CELSR1: variants seen among roughly 807,000 people sequenced by gnomAD.
The protein encoded by CELSR1 is adhesion G protein-coupled receptor C1.
CELSR1 carries 110 observed loss-of-function variants against 249.1 expected under a neutral mutation model. That is an observed-to-expected ratio of 0.44 (90% CI 0.38 to 0.52). CELSR1 has a LOEUF of 0.52. Among genes scored for constraint, CELSR1 ranks in the 20% least tolerant of loss-of-function variants. CELSR1 has a pLI of 0.00. For missense variants in CELSR1, 4,109 were observed against 4,296.4 expected, an observed-to-expected ratio of 0.96 and a Z score of 1.22; for synonymous variants, 2,113 against 1,900.0, an observed-to-expected ratio of 1.11 and a Z score of -2.92.
At position 46,436,268 on chromosome 22, in the gene CELSR1, G is replaced by C. The variant is rs138150351; in HGVS notation, c.4428C>G (p.Asn1476Lys). The change falls in exon 4 of 35, where the codon AAC (asparagine) becomes AAG (lysine). Residue 1476 changes from asparagine (N) to lysine (K), a missense_variant. By Grantham distance (94) the Asn-to-Lys change is moderately conservative. Around this residue, in one of 7 missense-constraint regions of CELSR1, gnomAD observed 453 missense variants for 492.0 expected, o/e 0.92. Coordinates refer to ENST00000674500, the MANE Select transcript of CELSR1 (RefSeq NM_001378328.1). The surrounding 1 kb of genome is among the most constrained non-coding windows in gnomAD (Gnocchi z 5.9). ...ISLTFATQERNGLLLYNGRFN... is the reference protein window; with the variant it reads ...ISLTFATQERKGLLLYNGRFN... The stretch of plus-strand genomic sequence containing the variant: ...AGCGGCCGTTGTAGAGAAGCAAGCC[G>C]TTCCTTTCCTGAGTGGCAAACCTGT... 5 of 1,614,050 alleles carry C rather than the reference G, an allele frequency of 3.1e-6. No homozygotes were observed. Among genetic ancestry groups the C allele is most frequent in the Non-Finnish European group, 4.2e-6 (5 of 1,179,964 alleles).
chr22:46,473,892 G>A lies in CELSR1; in HGVS notation c.3545-9547C>T, dbSNP rs952997738. Among the ~76,000 whole-genome samples, 7 of 152,144 alleles carry A rather than the reference G, an allele frequency of 4.6e-5. No homozygotes were observed. The highest frequency in any genetic ancestry group is 4.1e-4 in the South Asian group (2 of 4,830). ...TGTGTTGATCCTGCTACCTGAGGGC[G>A]TGTGGCTTTTCTCCTTTCTGGGCAA... On this transcript the variant is annotated intron_variant, in intron 1 of 34. Coordinates refer to ENST00000674500, the MANE Select transcript of CELSR1 (RefSeq NM_001378328.1). The surrounding 1 kb of genome is among the most constrained non-coding windows in gnomAD (Gnocchi z 6.6).
Position 46,380,861 on chromosome 22 carries a change from G to C in CELSR1, c.7183C>G (p.Leu2395Val). The C allele has an allele frequency of 6.2e-7, 1 of 1,612,834 alleles. No homozygotes were observed. Among genetic ancestry groups the C allele is most frequent in the Non-Finnish European group, 8.5e-7 (1 of 1,179,902 alleles). The change falls in exon 22 of 35, where the codon CTG (leucine) becomes GTG (valine). Residue 2395 changes from leucine (L) to valine (V), a missense_variant. Leu to Val is a conservative substitution (Grantham distance 32). Coordinates refer to ENST00000674500, the MANE Select transcript of CELSR1 (RefSeq NM_001378328.1). The surrounding 1 kb of genome is among the most constrained non-coding windows in gnomAD (Gnocchi z 5.1). The stretch of plus-strand genomic sequence containing the variant: ...ACCTCCAGCAGGGCGAACTCCACCA[G>C]GACGGGCCTCTCCAGGGGTCTCGGG... ...PLPRPLERPVLVEFALLEVEE... is the reference protein window; with the variant it reads ...PLPRPLERPVVVEFALLEVEE...
chr22:46,455,351 T>TC (rs112177200), intron 2 of CELSR1, among the ~76,000 whole-genome samples: 191 of 152,302 alleles, frequency 1.3e-3, no homozygotes, highest in African/African-American at 4.3e-3. Flanking sequence ...TGCCTCAGTC[T>TC]CCCAAGTAGC....
In CELSR1 at chr22:46,533,878, G is replaced by A. The variant is rs148922070; in HGVS notation, c.3293C>T (p.Pro1098Leu). The A allele has an allele frequency of 5.1e-5, 83 of 1,613,660 alleles. No individual in the cohort carries two copies. Among genetic ancestry groups the A allele is most frequent in the African/African-American group, 2.1e-4 (16 of 75,048 alleles). ...GATCTGGAAGTCGGGCAGCACAGGC[G>A]GGTTGTCATTCTGGTCCACGAGAAG... is the stretch of plus-strand genomic sequence containing the variant. ...HILLVDQNDNPPVLPDFQILF... is the reference protein window; with the variant it reads ...HILLVDQNDNLPVLPDFQILF... Residue 1098 changes from proline (P) to leucine (L), a missense_variant, in exon 1 of 35, where the codon CCG becomes CTG. Around this residue, in one of 7 missense-constraint regions of CELSR1, gnomAD observed 886 missense variants for 896.5 expected, o/e 0.99. Coordinates refer to ENST00000674500, the MANE Select transcript of CELSR1 (RefSeq NM_001378328.1).
At chr22:46,515,294 G>A (rs1270572942) in intron 1 of CELSR1, among the ~76,000 whole-genome samples, 2 of 152,236 alleles carry the variant, frequency 1.3e-5, no homozygotes. Context: ...CTGCACAGCT[G>A]TCGGCAGCAC....
In CELSR1 at chr22:46,408,206, G is replaced by GA. The variant is rs1569141320; in HGVS notation, c.5226+789dup. Among the ~76,000 whole-genome samples, 2 of 152,226 alleles carry GA rather than the reference G, an allele frequency of 1.3e-5. No individual in the cohort carries two copies. The highest frequency in any genetic ancestry group is 4.8e-5 in the African/African-American group (2 of 41,472). On this transcript the variant is annotated intron_variant, in intron 9 of 34. Coordinates refer to ENST00000674500, the MANE Select transcript of CELSR1 (RefSeq NM_001378328.1). This position sits in a 1 kb window ranked among gnomAD's most constrained non-coding sequence, Gnocchi z 4.6. ...AAATAAACTTTTGTTTCAAATAAAC[G>GA]AAACAGTAAAGATCAATAAGACAGA...
intron 1 of CELSR1, among the ~76,000 whole-genome samples, chr22:46,485,934 T>C (rs1339892747): frequency 2.1e-5 from 1 of 48,390 alleles, no homozygotes; most frequent in African/African-American, 3.7e-5. Context: ...AGGTACTTTT[T>C]TTTTTTTTTT....
chr22:46,524,842 C>A (rs537970371), intron 1 of CELSR1, among the ~76,000 whole-genome samples: 17 of 152,134 alleles, frequency 1.1e-4, no homozygotes, highest in Admixed American at 9.8e-4. Context: ...TGGGAGGAAA[C>A]GAAAACGGCT....
rs2079317936 is a variant in CELSR1, at chr22:46,410,307, C to T, written c.4933+91G>A. 2 of 1,502,310 alleles carry T rather than the reference C, an allele frequency of 1.3e-6. No homozygotes were observed. The highest frequency in any genetic ancestry group is 1.7e-5 in the Admixed American group (1 of 57,608). 93.1% of individuals were successfully genotyped at this position (1,502,310 alleles called of 1,614,324 possible). ...CATTTCTAAGAAAAACACGGCTCCC[C>T]AGGGATCTGCAAGCAGTGACCTCTG... On this transcript the variant is annotated intron_variant, in intron 7 of 34. Coordinates refer to ENST00000674500, the MANE Select transcript of CELSR1 (RefSeq NM_001378328.1). The surrounding 1 kb of genome is among the most constrained non-coding windows in gnomAD (Gnocchi z 6.8).
In CELSR1 at chr22:46,439,368, G is replaced by A. The variant is rs147318515; in HGVS notation, c.4227C>T (p.Asn1409=). 2.9e-4 allele frequency: 470 copies of A among 1,613,848 alleles called. No homozygotes were observed. The highest frequency in any genetic ancestry group is 1.6e-3 in the East Asian group (74 of 44,868). The change falls in exon 3 of 35, where the codon AAC becomes AAT. Residue 1409 remains asparagine (N), a synonymous_variant. Transcript: ENST00000674500. Reference sequence around the variant, plus strand: ...AGGTGCCCCCGTTCTTGCACACCCCGTTGGCACAGCGGCCTGAGCGGGCAT... The same window carrying A: ...AGGTGCCCCCGTTCTTGCACACCCCATTGGCACAGCGGCCTGAGCGGGCAT... ...EVDARSGRCA[N]GVCKNGGTCV... is the part of the protein sequence containing the mutation.
chr22:46,426,087 C>T (rs957695713), intron 5 of CELSR1, among the ~76,000 whole-genome samples: 4 of 97,908 alleles, frequency 4.1e-5, no homozygotes, highest in South Asian at 2.6e-4. Flanking sequence ...CTGCTGGAGT[C>T]GGCTAGTACC....
At chr22:46,497,850 A>G (rs2080427650) in intron 1 of CELSR1, among the ~76,000 whole-genome samples, 1 of 152,194 alleles carries the variant, frequency 6.6e-6, no homozygotes, top group Admixed American at 6.5e-5. Flanking sequence ...CTCACACAGA[A>G]GAGAGTACCC....
In CELSR1 at chr22:46,362,796, C is replaced by T. The variant is rs187136716; in HGVS notation, c.*427G>A. ...CTGCCCGGGCTGCCAGCCACGGGTC[C>T]GCACTGCCATGAGATGCCCGCCTGG... On this transcript the variant is annotated 3_prime_UTR_variant, in exon 35 of 35. Transcript: ENST00000674500. The T allele has an allele frequency of 2.3e-5, 6 of 256,868 alleles. No homozygotes were observed. The highest frequency in any genetic ancestry group is 1.2e-3 in the Middle Eastern group (1 of 824). 15.9% of individuals were successfully genotyped at this position (256,868 alleles called of 1,614,324 possible).
At chr22:46,463,136 G>C (rs1344484882) in intron 2 of CELSR1, among the ~76,000 whole-genome samples, 7 of 152,248 alleles carry the variant, frequency 4.6e-5, no homozygotes, top group African/African-American at 2.4e-5. Flanking sequence ...TTGTCCTACT[G>C]TTCTCCTAAA....
At chr22:46,511,639 A>G (rs912513902) in intron 1 of CELSR1, among the ~76,000 whole-genome samples, 1 of 152,238 alleles carries the variant, frequency 6.6e-6, no homozygotes, top group Non-Finnish European at 1.5e-5. Flanking sequence ...TGGGGCTGAC[A>G]GCGCCAACAC....
chr22:46,455,632 C>T (rs2079939463), intron 2 of CELSR1, among the ~76,000 whole-genome samples: 3 of 152,192 alleles, frequency 2.0e-5, no homozygotes, highest in South Asian at 2.1e-4. Flanking sequence ...TCTTCAGCCA[C>T]TCAGTTTGTG....
chr22:46,499,680 A>G (rs5768848), intron 1 of CELSR1, among the ~76,000 whole-genome samples: 43,660 of 152,018 alleles, frequency 0.29, 6,563 homozygotes, highest in African/African-American at 0.38. Flanking sequence ...TCCCTACCAC[A>G]GGAGATTTTG....
intron 1 of CELSR1, among the ~76,000 whole-genome samples, chr22:46,477,026 C>A (rs774042666): frequency 6.6e-6 from 1 of 152,068 alleles, no homozygotes; most frequent in Non-Finnish European, 1.5e-5. Context: ...AAGGAGAAAG[C>A]GATTCTAAAG....
intron 1 of CELSR1, among the ~76,000 whole-genome samples, chr22:46,483,385 CTTT>C (rs10647586): frequency 2.3e-3 from 183 of 81,190 alleles, no homozygotes; most frequent in African/African-American, 7.9e-3. Flanking sequence ...CTATTCCTGA[CTTT>C]TTTTTTTTTT....
Sources: allele counts gnomAD v4.1 joint callset (sites outside exome capture counted in the v4.1 genomes callset), GRCh38; gene constraint gnomAD v4.1.1; regional missense constraint gnomAD v4.1.1; non-coding constraint Gnocchi (gnomAD v3.1); transcripts MANE v1.5; gene names NCBI Gene and HGNC (gene_info 2026-07-23, HGNC 2026-07-21).